LRRC4C: variants seen among roughly 807,000 people sequenced by gnomAD.
The protein encoded by LRRC4C is leucine-rich repeat-containing protein 4C.
A neutral mutation model predicts 33.6 loss-of-function variants in LRRC4C; 5 were observed. The ratio of observed to expected loss-of-function variants is 0.15; its 90% confidence interval spans 0.08 to 0.31. The LOEUF is 0.31. LRRC4C is among the 10% of genes least tolerant of loss of function. The pLI is 1.00. For synonymous variants in LRRC4C, 329 were observed against 302.0 expected (o/e 1.09, Z -0.93); for missense variants, 560 against 796.7 (o/e 0.70, Z 3.58).
At chr11:40,658,728 TTAAGCAATTCTTAAAC>T (rs1472383830) in intron 2 of LRRC4C, among the ~76,000 whole-genome samples, 13 of 152,194 alleles carry the variant, frequency 8.5e-5, no homozygotes, top group Admixed American at 8.5e-4. Context: ...CAAAATCTGC[TTAAGCAATTCTTAAAC>T]AAGTTTTAAG....
At chr11:40,249,859 G>T (rs1317382752) in intron 4 of LRRC4C, among the ~76,000 whole-genome samples, 1 of 152,114 alleles carries the variant, frequency 6.6e-6, no homozygotes. Flanking sequence ...CAGACAGTAT[G>T]ATACTGCCTT....
intron 1 of LRRC4C, among the ~76,000 whole-genome samples, chr11:41,409,839 T>C (rs1161338121): frequency 6.6e-6 from 1 of 152,060 alleles, no homozygotes; most frequent in Non-Finnish European, 1.5e-5. Flanking sequence ...CGAAAAAAAA[T>C]GAACTGAATA....
intron 3 of LRRC4C, among the ~76,000 whole-genome samples, chr11:40,395,039 A>G (rs1949486111): frequency 6.6e-6 from 1 of 152,172 alleles, no homozygotes; most frequent in Non-Finnish European, 1.5e-5. Flanking sequence ...CAAGTCTATA[A>G]TTATATAGAC....
chr11:41,423,258 T>C (rs1043155800), intron 1 of LRRC4C, among the ~76,000 whole-genome samples: 1 of 151,978 alleles, frequency 6.6e-6, no homozygotes, highest in African/African-American at 2.4e-5. Flanking sequence ...ATATGAGAAA[T>C]GGAGTGGGTA....
chr11:40,644,166 A>C (rs10768618), intron 3 of LRRC4C, among the ~76,000 whole-genome samples: 57,337 of 151,982 alleles, frequency 0.38, 11,894 homozygotes, highest in East Asian at 0.61. Context: ...GAAAAAAATA[A>C]AGAAGATAAA....
chr11:41,290,393 T>C (rs1949957144), intron 1 of LRRC4C, among the ~76,000 whole-genome samples: 1 of 152,220 alleles, frequency 6.6e-6, no homozygotes, highest in Non-Finnish European at 1.5e-5. Flanking sequence ...AGCATGTTCC[T>C]ACGAGTAAGC....
chr11:40,617,322 G>T, intron 3 of LRRC4C, among the ~76,000 whole-genome samples: 1 of 151,662 alleles, frequency 6.6e-6, no homozygotes, highest in East Asian at 1.9e-4. Flanking sequence ...TAGGTCTAAA[G>T]AATTCCATAT....
At chr11:40,359,186 A>G (rs898247053) in intron 3 of LRRC4C, among the ~76,000 whole-genome samples, 23 of 152,220 alleles carry the variant, frequency 1.5e-4, no homozygotes, top group Admixed American at 1.4e-3. Flanking sequence ...GTTGAGATAC[A>G]TGTGCACCTC....
chr11:40,116,746 G>T (rs1855464894), intron 6 of LRRC4C, among the ~76,000 whole-genome samples: 1 of 152,156 alleles, frequency 6.6e-6, no homozygotes, highest in South Asian at 2.1e-4. Context: ...AGTAGTAATA[G>T]CTGACATATT....
At chr11:40,739,689 C>G (rs1410748323) in intron 2 of LRRC4C, among the ~76,000 whole-genome samples, 1 of 151,902 alleles carries the variant, frequency 6.6e-6, no homozygotes, top group African/African-American at 2.4e-5. Flanking sequence ...CTCATGATAT[C>G]TGATACGGTT....
intron 2 of LRRC4C, among the ~76,000 whole-genome samples, chr11:40,790,497 C>T (rs11036079): frequency 0.052 from 7,894 of 152,236 alleles, 217 homozygotes; most frequent in Middle Eastern, 0.061. Context: ...CTGCTGTGTC[C>T]GCACCACGGT....
intron 1 of LRRC4C, among the ~76,000 whole-genome samples, chr11:41,457,844 C>T (rs991598413): frequency 6.6e-6 from 1 of 152,016 alleles, no homozygotes; most frequent in African/African-American, 2.4e-5. Context: ...TCACAGTTGT[C>T]CTCTTTTACC....
intron 2 of LRRC4C, among the ~76,000 whole-genome samples, chr11:40,917,897 A>AT (rs143231391): frequency 0.014 from 2,061 of 152,188 alleles, 54 homozygotes; most frequent in African/African-American, 0.048. Context: ...TGTTTGCATT[A>AT]TTCAATATCA....
intron 3 of LRRC4C, among the ~76,000 whole-genome samples, chr11:40,418,609 G>A (rs1168338664): frequency 1.3e-5 from 2 of 152,110 alleles, no homozygotes; most frequent in African/African-American, 4.8e-5. Context: ...CCCATTACTG[G>A]GTATATACTC....
chr11:40,616,762 G>A (rs1290418445), intron 3 of LRRC4C, among the ~76,000 whole-genome samples: 1 of 151,844 alleles, frequency 6.6e-6, no homozygotes, highest in Non-Finnish European at 1.5e-5. Context: ...TCCTGTTGTG[G>A]GGAGAGGGGA....
intron 1 of LRRC4C, among the ~76,000 whole-genome samples, chr11:40,958,830 G>A (rs879733821): frequency 3.3e-5 from 5 of 151,704 alleles, no homozygotes; most frequent in Non-Finnish European, 7.4e-5. Context: ...AGGAAGAGGA[G>A]CTATCAGGAT....
intron 3 of LRRC4C, among the ~76,000 whole-genome samples, chr11:40,476,973 C>CA (rs990155863): frequency 1.3e-5 from 2 of 152,000 alleles, no homozygotes; most frequent in Non-Finnish European, 1.5e-5. Context: ...TTTTTTCCCA[C>CA]AAAAAATGGA....
chr11:40,987,696 T>G (rs1198709865), intron 1 of LRRC4C, among the ~76,000 whole-genome samples: 1 of 134,942 alleles, frequency 7.4e-6, no homozygotes, highest in Non-Finnish European at 1.5e-5. Flanking sequence ...ATATATCTCA[T>G]ATATATGAGA....
intron 3 of LRRC4C, among the ~76,000 whole-genome samples, chr11:40,618,843 G>A (rs1263978257): frequency 6.6e-6 from 1 of 151,730 alleles, no homozygotes; most frequent in Non-Finnish European, 1.5e-5. Context: ...CCACTGAATG[G>A]CTGCATAAAT....
Sources: gnomAD v4.1 joint callset for allele counts (sites outside exome capture counted in the v4.1 genomes callset) on GRCh38, gnomAD v4.1.1 for gene constraint, MANE v1.5 for transcripts, NCBI Gene and HGNC (gene_info 2026-07-23, HGNC 2026-07-21) for gene names.